The following PINX1 variants were observed in gnomAD, a reference collection of about 807,000 sequenced individuals.
The protein encoded by PINX1 is PIN2/TERF1-interacting telomerase inhibitor 1.
A neutral mutation model predicts 25.4 loss-of-function variants in PINX1; 34 were observed. The observed-to-expected ratio is 1.34, with a 90% CI of 1.02 to 1.78. PINX1 has a LOEUF of 1.78. PINX1 is among the 40% of genes most tolerant of loss of function. The pLI, the probability that PINX1 is intolerant of heterozygous loss-of-function variation, is 0.00. For missense variants in PINX1, 592 were observed against 404.9 expected, an observed-to-expected ratio of 1.46 and a Z score of -3.97; for synonymous variants, 197 against 147.7, an observed-to-expected ratio of 1.33 and a Z score of -2.42.
chr8:10,765,096 G>T lies in PINX1; in HGVS notation c.*305C>A. 1 of 349,054 alleles carries T rather than the reference G, an allele frequency of 2.9e-6. No individual in the cohort carries two copies. Among genetic ancestry groups the T allele is most frequent in the Non-Finnish European group, 5.2e-6 (1 of 192,270 alleles). The allele number at this position is 349,054 out of a possible 1,614,324, so 21.6% of individuals were successfully genotyped here. A position where few individuals can be genotyped will look rare whatever the true frequency, so the allele number is the denominator to read the frequency against. On this transcript the variant is annotated 3_prime_UTR_variant, in exon 7 of 7. Coordinates refer to ENST00000314787, the MANE Select transcript of PINX1 (RefSeq NM_017884.6). ...CAGATGCGCACATGCACACACACGT[G>T]TGCACACTTACATGAATGCATGTAT...
At chr8:10,827,399 G>T (rs1202043374) in intron 4 of PINX1, among the ~76,000 whole-genome samples, 1 of 152,112 alleles carries the variant, frequency 6.6e-6, no homozygotes, top group African/African-American at 2.4e-5. Context: ...AAGGGAAAAT[G>T]TGAGCCAGAA....
chr8:10,811,061 G>C (rs185482579), intron 6 of PINX1, among the ~76,000 whole-genome samples: 1 of 152,366 alleles, frequency 6.6e-6, no homozygotes, highest in African/African-American at 2.4e-5. Context: ...GGTCTCAACA[G>C]CAGCAGCAGC....
chr8:10,769,956 T>C (rs1377034510), intron 6 of PINX1, among the ~76,000 whole-genome samples: 1 of 152,188 alleles, frequency 6.6e-6, no homozygotes, highest in African/African-American at 2.4e-5. Context: ...AGAAAAAATA[T>C]CCACAGAAAT....
intron 6 of PINX1, among the ~76,000 whole-genome samples, chr8:10,803,843 T>A (rs1563220054): frequency 6.6e-6 from 1 of 152,208 alleles, no homozygotes; most frequent in East Asian, 1.9e-4. Context: ...TAACTCTTAG[T>A]ATAGTGGATA....
intron 6 of PINX1, among the ~76,000 whole-genome samples, chr8:10,779,029 G>C (rs79729968): frequency 6.6e-6 from 1 of 152,340 alleles, no homozygotes; most frequent in African/African-American, 2.4e-5. Flanking sequence ...GGGAATGTCT[G>C]TTCCTAGGTT....
chr8:10,819,220 T>C (rs953136792), intron 6 of PINX1, among the ~76,000 whole-genome samples: 1 of 152,230 alleles, frequency 6.6e-6, no homozygotes, highest in Non-Finnish European at 1.5e-5. Context: ...CTAATGAGAC[T>C]TCTAACCACT....
At chr8:10,778,755 C>T (rs1266836690) in intron 6 of PINX1, among the ~76,000 whole-genome samples, 2 of 152,184 alleles carry the variant, frequency 1.3e-5, no homozygotes, top group Non-Finnish European at 2.9e-5. Context: ...GCTGAACTTA[C>T]TTTGAAAGGG....
chr8:10,839,064 C>T (rs1005232652), intron 1 of PINX1, among the ~76,000 whole-genome samples: 1 of 152,204 alleles, frequency 6.6e-6, no homozygotes, highest in Non-Finnish European at 1.5e-5. Flanking sequence ...CATCTGGCGG[C>T]AAGCGACCTT....
intron 6 of PINX1, among the ~76,000 whole-genome samples, chr8:10,792,049 G>T (rs1262249418): frequency 6.6e-6 from 1 of 152,178 alleles, no homozygotes; most frequent in Non-Finnish European, 1.5e-5. Flanking sequence ...ACCAGCAAGG[G>T]TAGCGCTGGA....
intron 6 of PINX1, among the ~76,000 whole-genome samples, chr8:10,766,368 CCT>C (rs1220042693): frequency 6.6e-6 from 1 of 152,214 alleles, no homozygotes; most frequent in Non-Finnish European, 1.5e-5. Context: ...TACATGGGCC[CCT>C]GTGTTGATCT....
At position 10,768,198 on chromosome 8, in the gene PINX1, G is replaced by A. The variant is rs189958277; in HGVS notation, c.472-2282C>T. ...CGACGGCTGGCTCGTTTATGCAACA[G>A]AAGTCTCACTGACAGTTTCGCAGCA... On this transcript the variant is annotated intron_variant, in intron 6 of 6. Coordinates refer to ENST00000314787, the MANE Select transcript of PINX1 (RefSeq NM_017884.6). 4.7e-4 allele frequency among the ~76,000 whole-genome samples: 72 copies of A among 152,320 alleles called. 1 individual carries two copies. The East Asian group carries it at 8.3e-3, about 18-fold the overall frequency.
At position 10,765,425 on chromosome 8, in the gene PINX1, CTTT is replaced by C. The variant is rs1563196909; in HGVS notation, c.960_962del (p.Lys325del). On this transcript the variant is annotated inframe_deletion, in exon 7 of 7. Coordinates refer to ENST00000314787, the MANE Select transcript of PINX1 (RefSeq NM_017884.6). ...TTCATTTGGAATCTTTCTTCTTCTTCTTTTTCACTAGCGTTTCTTCTAGTGTAG... is the reference window on the plus strand; with the variant it reads ...TTCATTTGGAATCTTTCTTCTTCTTCTTCACTAGCGTTTCTTCTAGTGTAG... The C allele has an allele frequency of 4.4e-6, 7 of 1,605,266 alleles. No individual in the cohort carries two copies. The highest frequency in any genetic ancestry group is 1.3e-5 in the African/African-American group (1 of 74,406).
intron 6 of PINX1, among the ~76,000 whole-genome samples, chr8:10,813,324 A>T (rs1465080487): frequency 6.6e-6 from 1 of 152,210 alleles, no homozygotes; most frequent in Admixed American, 6.5e-5. Flanking sequence ...TATCAGTGTG[A>T]AAATTCAGAA....
chr8:10,829,846 A>G (rs1367584582), intron 4 of PINX1, among the ~76,000 whole-genome samples: 2 of 152,182 alleles, frequency 1.3e-5, no homozygotes, highest in African/African-American at 4.8e-5. Context: ...CACCACGCCC[A>G]GCTAATTTTG....
rs1453572450 is a variant in PINX1, at chr8:10,839,563, T to C, written c.19+175A>G. ...TCACTAGCAGACCTGCGGCCAACTT[T>C]CGGGGAGCTCTGCGGCGAGCAGGAC... On this transcript the variant is annotated intron_variant, in intron 1 of 6. Coordinates refer to ENST00000314787, the MANE Select transcript of PINX1 (RefSeq NM_017884.6). The C allele has an allele frequency of 4.7e-6, 3 of 642,406 alleles. No homozygotes were observed. The African/African-American group carries it at 5.6e-5, about 12-fold the overall frequency. 39.8% of individuals were successfully genotyped at this position (642,406 alleles called of 1,614,324 possible). A position where few individuals can be genotyped will look rare whatever the true frequency, so the allele number is the denominator to read the frequency against.
At chr8:10,766,947 A>G (rs1023796247) in intron 6 of PINX1, among the ~76,000 whole-genome samples, 1 of 152,202 alleles carries the variant, frequency 6.6e-6, no homozygotes, top group Non-Finnish European at 1.5e-5. Context: ...CGGGTTGAAG[A>G]CTATAAGGAA....
chr8:10,807,317 T>TCCCCCCCC (rs1184898113), intron 6 of PINX1, among the ~76,000 whole-genome samples: 2 of 39,740 alleles, frequency 5.0e-5, no homozygotes, highest in South Asian at 1.3e-3. Context: ...ATCAAGAAAA[T>TCCCCCCCC]CCCCCCCCCA....
intron 6 of PINX1, among the ~76,000 whole-genome samples, chr8:10,794,791 T>C (rs981287217): frequency 2.6e-5 from 4 of 152,182 alleles, no homozygotes; most frequent in Admixed American, 2.0e-4. Context: ...GGTTTAAAAC[T>C]AAAATCCGAG....
At chr8:10,816,418 G>T (rs1295442544) in intron 6 of PINX1, among the ~76,000 whole-genome samples, 1 of 152,158 alleles carries the variant, frequency 6.6e-6, no homozygotes, top group Non-Finnish European at 1.5e-5. Context: ...AGATCATCCA[G>T]TTCAATAGAG....
Sources: allele counts gnomAD v4.1 joint callset (sites outside exome capture counted in the v4.1 genomes callset), GRCh38; gene constraint gnomAD v4.1.1; transcripts MANE v1.5; gene names NCBI Gene and HGNC (gene_info 2026-07-23, HGNC 2026-07-21).